Variants in IMPG1 observed in about 807,000 individuals in gnomAD.
The protein encoded by IMPG1 is interphotoreceptor matrix proteoglycan of 150 kDa.
IMPG1 carries 85 observed loss-of-function variants against 92.0 expected under a neutral mutation model. The observed-to-expected ratio is 0.92, with a 90% CI of 0.78 to 1.11. IMPG1 has a LOEUF of 1.11. IMPG1 is among the 50% of genes least tolerant of loss of function. IMPG1 has a pLI of 0.00. For synonymous variants in IMPG1, 367 were observed against 334.1 expected, an observed-to-expected ratio of 1.10 and a Z score of -1.08; for missense variants, 1,022 against 956.0, an observed-to-expected ratio of 1.07 and a Z score of -0.91.
intron 1 of IMPG1, among the ~76,000 whole-genome samples, chr6:76,072,017 C>T (rs1325388504): frequency 6.6e-6 from 1 of 151,984 alleles, no homozygotes; most frequent in Non-Finnish European, 1.5e-5. Context: ...GTAAGAAATA[C>T]TTACTTTTTT....
intron 5 of IMPG1, among the ~76,000 whole-genome samples, chr6:76,023,750 T>C (rs1396554883): frequency 2.0e-5 from 3 of 152,142 alleles, no homozygotes; most frequent in Non-Finnish European, 2.9e-5. Context: ...AAAGTTTTTA[T>C]TTAAAAAAAT....
intron 12 of IMPG1, among the ~76,000 whole-genome samples, chr6:75,969,232 C>T (rs774148117): frequency 2.6e-5 from 4 of 151,830 alleles, no homozygotes; most frequent in Non-Finnish European, 5.9e-5. Context: ...CAAGAGATCA[C>T]GTGTATAACA....
At chr6:76,045,508 C>CA (rs1783925462) in intron 1 of IMPG1, among the ~76,000 whole-genome samples, 1 of 142,854 alleles carries the variant, frequency 7.0e-6, no homozygotes, top group Non-Finnish European at 1.5e-5. Flanking sequence ...TTCTGTGACA[C>CA]AAAACCAACC....
At chr6:76,061,442 A>C (rs1171838766) in intron 1 of IMPG1, among the ~76,000 whole-genome samples, 1 of 152,218 alleles carries the variant, frequency 6.6e-6, no homozygotes, top group African/African-American at 2.4e-5. Context: ...TTCTCTGTTA[A>C]TGAAGCCACA....
At chr6:76,064,950 A>G (rs930444229) in intron 1 of IMPG1, among the ~76,000 whole-genome samples, 1 of 152,138 alleles carries the variant, frequency 6.6e-6, no homozygotes, top group African/African-American at 2.4e-5. Flanking sequence ...TACAAAGGCT[A>G]CCTACAACTA....
intron 10 of IMPG1, among the ~76,000 whole-genome samples, chr6:76,005,060 T>C (rs1783068652): frequency 6.6e-6 from 1 of 152,178 alleles, no homozygotes; most frequent in Non-Finnish European, 1.5e-5. Context: ...ACTGAAACCT[T>C]TGGATTCTCC....
At chr6:75,954,223 C>T (rs1399000396) in intron 12 of IMPG1, among the ~76,000 whole-genome samples, 1 of 152,142 alleles carries the variant, frequency 6.6e-6, no homozygotes, top group African/African-American at 2.4e-5. Flanking sequence ...ATTTACACTC[C>T]CACCAATAGT....
chr6:76,057,994 T>A (rs201300051), intron 1 of IMPG1, among the ~76,000 whole-genome samples: 1 of 81,642 alleles, frequency 1.2e-5, no homozygotes, highest in African/African-American at 3.4e-5. Flanking sequence ...TAAAATAAAA[T>A]AATAAAATAA....
intron 4 of IMPG1, among the ~76,000 whole-genome samples, chr6:76,030,439 A>T (rs1430481002): frequency 6.6e-6 from 1 of 152,130 alleles, no homozygotes; most frequent in Non-Finnish European, 1.5e-5. Context: ...TTTCAAATGC[A>T]TCCTGAACCC....
intron 7 of IMPG1, among the ~76,000 whole-genome samples, chr6:76,012,923 C>T (rs1009877392): frequency 6.6e-6 from 1 of 152,116 alleles, no homozygotes; most frequent in Non-Finnish European, 1.5e-5. Context: ...GCGCAGCATC[C>T]CTAGATACCT....
At chr6:75,961,904 A>G (rs780653982) in intron 12 of IMPG1, among the ~76,000 whole-genome samples, 6 of 152,170 alleles carry the variant, frequency 3.9e-5, no homozygotes, top group Non-Finnish European at 7.3e-5. Flanking sequence ...TTTACCTAAA[A>G]TGAGGTTGTA....
chr6:75,933,511 T>C (rs560260737), intron 14 of IMPG1, among the ~76,000 whole-genome samples: 2 of 152,344 alleles, frequency 1.3e-5, no homozygotes, highest in East Asian at 3.9e-4. Flanking sequence ...ATAGCTCTTC[T>C]ACACAGCATA....
chr6:76,026,298 T>C (rs1783533678), intron 4 of IMPG1, among the ~76,000 whole-genome samples: 1 of 152,186 alleles, frequency 6.6e-6, no homozygotes, highest in Admixed American at 6.5e-5. Context: ...TCCTGCAACA[T>C]TTTTTGGCGC....
intron 12 of IMPG1, among the ~76,000 whole-genome samples, chr6:75,964,726 G>C (rs1286835740): frequency 6.8e-6 from 1 of 146,740 alleles, no homozygotes; most frequent in Non-Finnish European, 1.5e-5. Flanking sequence ...ATAATATAGA[G>C]AGAATTTGCA....
intron 14 of IMPG1, among the ~76,000 whole-genome samples, chr6:75,939,351 C>G (rs538084599): frequency 6.8e-6 from 1 of 147,796 alleles, no homozygotes; most frequent in South Asian, 2.2e-4. Context: ...CCTCCCTGCT[C>G]CCCCCCACCC....
intron 12 of IMPG1, among the ~76,000 whole-genome samples, chr6:75,993,544 T>C (rs1782849644): frequency 6.6e-6 from 1 of 151,462 alleles, no homozygotes; most frequent in South Asian, 2.1e-4. Flanking sequence ...GAGAGAGAAA[T>C]CATCCCTCTT....
intron 9 of IMPG1, 79 bp downstream of exon 9, chr6:76,007,401 A>G: frequency 1.8e-6 from 2 of 1,089,450 alleles, no homozygotes; most frequent in Non-Finnish European, 2.7e-6. Context: ...TATATGTAAA[A>G]ATTATTTGTG....
chr6:75,996,194 C>T lies in IMPG1; in HGVS notation c.1291+6724G>A, dbSNP rs373291203. Among the ~76,000 whole-genome samples, 46 of 152,204 alleles carry T rather than the reference C, an allele frequency of 3.0e-4. No individual in the cohort carries two copies. In the East Asian group the frequency reaches 7.9e-3, roughly 26 times the overall value. ...TACATGGGACCCCTGGGGAAATCAA[C>T]GTGCACTAGTGGCATATGGGGCAAA... On this transcript the variant is annotated intron_variant, in intron 12 of 16. Transcript: ENST00000369950.
At chr6:76,067,399 C>T (rs147797340) in intron 1 of IMPG1, among the ~76,000 whole-genome samples, 2 of 152,196 alleles carry the variant, frequency 1.3e-5, no homozygotes, top group African/African-American at 4.8e-5. Context: ...TCAGAAACTT[C>T]TGTGAGCATC....
Sources: gnomAD v4.1 joint callset for allele counts (sites outside exome capture counted in the v4.1 genomes callset) on GRCh38, gnomAD v4.1.1 for gene constraint, MANE v1.5 for transcripts, NCBI Gene and HGNC (gene_info 2026-07-23, HGNC 2026-07-21) for gene names.